EDDM3B: variants seen among roughly 807,000 people sequenced by gnomAD.
The protein encoded by EDDM3B is epididymal secretory protein E3-beta.
For synonymous variants in EDDM3B, 71 were observed against 59.1 expected, an observed-to-expected ratio of 1.20 and a Z score of -0.92; for missense variants, 189 against 178.3, an observed-to-expected ratio of 1.06 and a Z score of -0.34.
At position 20,770,685 on chromosome 14, in the gene EDDM3B, T is replaced by C. The variant is rs1432002190; in HGVS notation, c.*91T>C. The C allele has an allele frequency of 3.0e-6, 3 of 987,198 alleles. No homozygotes were observed. The highest frequency in any genetic ancestry group is 4.5e-6 in the Non-Finnish European group (3 of 664,932). The allele number at this position is 987,198 out of a possible 1,614,324, so 61.2% of individuals were successfully genotyped here. A position where few individuals can be genotyped will look rare whatever the true frequency, so the allele number is the denominator to read the frequency against. On this transcript the variant is annotated 3_prime_UTR_variant, in exon 2 of 2. Transcript: ENST00000326783. ...TCCATCAATAGTCCTACCACTCCCC[T>C]CTTGCATTTATTTGTCAATGTTTTC... is the stretch of plus-strand genomic sequence containing the variant.
intron 1 of EDDM3B, among the ~76,000 whole-genome samples, chr14:20,769,278 A>G (rs1453111047): frequency 6.6e-6 from 1 of 152,172 alleles, no homozygotes; most frequent in Non-Finnish European, 1.5e-5. Flanking sequence ...GCAGGCACCT[A>G]TAATCTCAGC....
Position 20,770,371 on chromosome 14 carries a change from A to G in EDDM3B, c.221A>G (p.Tyr74Cys). The G allele has an allele frequency of 6.2e-7, 1 of 1,614,216 alleles. No individual in the cohort carries two copies. The highest frequency in any genetic ancestry group is 1.1e-5 in the South Asian group (1 of 91,086). ...SSHMFIYISW[Y>C]KIEHICTSDN... ...CACATGTTTATCTATATCTCATGGT[A>G]CAAAATCGAGCATATATGCACTAGT... The change falls in exon 2 of 2, where the codon TAC (tyrosine) becomes TGC (cysteine). Residue 74 changes from tyrosine to cysteine, a missense_variant. By Grantham distance (194) the Tyr-to-Cys change is radical. Coordinates refer to ENST00000326783, the MANE Select transcript of EDDM3B (RefSeq NM_022360.5).
chr14:20,769,703 T>C (rs1169616947), intron 1 of EDDM3B, among the ~76,000 whole-genome samples: 1 of 152,218 alleles, frequency 6.6e-6, no homozygotes, highest in Non-Finnish European at 1.5e-5. Context: ...ACTTCCCAAG[T>C]AGTTACTCAT....
At chr14:20,769,920 C>G (rs1878285256) in intron 1 of EDDM3B, among the ~76,000 whole-genome samples, 1 of 152,128 alleles carries the variant, frequency 6.6e-6, no homozygotes, top group South Asian at 2.1e-4. Context: ...TCTATTTTTT[C>G]TAATTATGTG....
In EDDM3B at chr14:20,770,446, C is replaced by T. The variant is rs762306751; in HGVS notation, c.296C>T (p.Pro99Leu). Residue 99 changes from proline (P) to leucine (L), a missense_variant, in exon 2 of 2, where the codon CCT becomes CTT. Pro to Leu is a moderately conservative substitution (Grantham distance 98). Transcript: ENST00000326783. ...AATGCATATGTATGGGTCCAGAATC[C>T]TCTCAAAGTACTCAAGTGTCACCAG... Reference protein sequence around the residue: ...FRNAYVWVQNPLKVLKCHQEN... With the variant: ...FRNAYVWVQNLLKVLKCHQEN... 1.2e-6 allele frequency: 2 copies of T among 1,614,160 alleles called. No individual in the cohort carries two copies. The highest frequency in any genetic ancestry group is 1.7e-6 in the Non-Finnish European group (2 of 1,180,030).
intron 1 of EDDM3B, among the ~76,000 whole-genome samples, chr14:20,769,532 G>A (rs1287076036): frequency 6.6e-6 from 1 of 152,284 alleles, no homozygotes; most frequent in East Asian, 1.9e-4. Flanking sequence ...AAGGAATATG[G>A]GTAGTTAGTA....
In EDDM3B at chr14:20,770,628, T is replaced by C; in HGVS notation, c.*34T>C. 2 of 1,544,994 alleles carry C rather than the reference T, an allele frequency of 1.3e-6. No homozygotes were observed. The highest frequency in any genetic ancestry group is 4.5e-5 in the East Asian group (2 of 44,352). On this transcript the variant is annotated 3_prime_UTR_variant, in exon 2 of 2. Coordinates refer to ENST00000326783, the MANE Select transcript of EDDM3B (RefSeq NM_022360.5). ...TGCACATCCTCAGGTATTGGTAGAGTATTCAGTGCTTTCTAAGTAGCAGCC... is the reference window on the plus strand; with the variant it reads ...TGCACATCCTCAGGTATTGGTAGAGCATTCAGTGCTTTCTAAGTAGCAGCC...
Position 20,770,780 on chromosome 14 carries a change from G to T in EDDM3B, c.*186G>T. ...CTTTGCCTGTGTTGTTTCTCTGCCTGGAATACACTTTTGTCTTCATTTACC... is the reference window on the plus strand; with the variant it reads ...CTTTGCCTGTGTTGTTTCTCTGCCTTGAATACACTTTTGTCTTCATTTACC... On this transcript the variant is annotated 3_prime_UTR_variant, in exon 2 of 2. Coordinates refer to ENST00000326783, the MANE Select transcript of EDDM3B (RefSeq NM_022360.5). 1 of 574,550 alleles carries T rather than the reference G, an allele frequency of 1.7e-6. No homozygotes were observed. The highest frequency in any genetic ancestry group is 3.1e-6 in the Non-Finnish European group (1 of 322,832). The allele number at this position is 574,550 out of a possible 1,614,324, so 35.6% of individuals were successfully genotyped here. A position where few individuals can be genotyped will look rare whatever the true frequency, so the allele number is the denominator to read the frequency against.
At chr14:20,770,081 T>G (rs1016080326) in intron 1 of EDDM3B, 52 bp from the exon 2 acceptor site, 18 of 1,443,858 alleles carry the variant, frequency 1.2e-5, no homozygotes, top group Non-Finnish European at 1.5e-5. Context: ...AGTTCAGCTC[T>G]CTGGGCATTG....
chr14:20,769,388 A>G (rs1406071697), intron 1 of EDDM3B, among the ~76,000 whole-genome samples: 6 of 152,230 alleles, frequency 3.9e-5, no homozygotes, highest in Non-Finnish European at 2.9e-5. Context: ...TGACACAGTG[A>G]GACTCTGTCT....
chr14:20,770,564 C>T lies in EDDM3B; in HGVS notation c.414C>T (p.Asp138=), dbSNP rs753843608. 1.1e-5 allele frequency: 17 copies of T among 1,613,382 alleles called. No individual in the cohort carries two copies. Among genetic ancestry groups the T allele is most frequent in the Non-Finnish European group, 1.3e-5 (15 of 1,179,802 alleles). ...ACGGGTATGTTGATAGCATAGAAGA[C>T]CTAAAGATGGTAGAACCTATCGGCA... is the stretch of plus-strand genomic sequence containing the variant. ...SMDGYVDSIE[D]LKMVEPIGN Residue 138 remains aspartate (D), a synonymous_variant, in exon 2 of 2, where the codon GAC becomes GAT. Transcript: ENST00000326783.
rs752114495 is a variant in EDDM3B at position 20,770,158 on chromosome 14, C to G, written c.8C>G (p.Ser3Trp). ...GCGGCCCCGGTGACTGAGATGGCATCGTCTCTAAAGATCTGGGGCACACTC... is the reference window on the plus strand; with the variant it reads ...GCGGCCCCGGTGACTGAGATGGCATGGTCTCTAAAGATCTGGGGCACACTC... MA[S>W]SLKIWGTLLA... The change falls in exon 2 of 2, where the codon TCG (serine) becomes TGG (tryptophan). Residue 3 changes from serine to tryptophan, a missense_variant. By Grantham distance (177) the Ser-to-Trp change is radical. Coordinates refer to ENST00000326783, the MANE Select transcript of EDDM3B (RefSeq NM_022360.5). The G allele has an allele frequency of 1.2e-5, 20 of 1,604,948 alleles. No individual in the cohort carries two copies. The highest frequency in any genetic ancestry group is 1.6e-5 in the Non-Finnish European group (19 of 1,174,596).
chr14:20,768,583 C>G (rs528714108), intron 1 of EDDM3B, 77 bp downstream of exon 1: 4 of 152,246 alleles, frequency 2.6e-5, no homozygotes, highest in Non-Finnish European at 5.9e-5. Context: ...TTTTAGATAG[C>G]AAACAATGGA....
In EDDM3B at chr14:20,768,847, C is replaced by A. The variant is rs138718718; in HGVS notation, c.-19+341C>A. ...ACATCATTAGAAGTGCTCTCAAATACATGCGTCTCATTAGACACTTGCAGG... is the reference window on the plus strand; with the variant it reads ...ACATCATTAGAAGTGCTCTCAAATAAATGCGTCTCATTAGACACTTGCAGG... On this transcript the variant is annotated intron_variant, in intron 1 of 1. Coordinates refer to ENST00000326783, the MANE Select transcript of EDDM3B (RefSeq NM_022360.5). 4.3e-3 allele frequency among the ~76,000 whole-genome samples: 658 copies of A among 152,354 alleles called. 7 individuals are homozygous for A. The highest frequency in any genetic ancestry group is 0.015 in the African/African-American group (634 of 41,588).
At position 20,770,555 on chromosome 14, in the gene EDDM3B, C is replaced by G. The variant is rs1409404029; in HGVS notation, c.405C>G (p.Ser135Arg). The change falls in exon 2 of 2, where the codon AGC becomes AGG. Residue 135 changes from serine to arginine, a missense_variant. By Grantham distance (110) the Ser-to-Arg change is moderately radical (BLOSUM62 -1). Transcript: ENST00000326783. The part of the protein sequence containing the change: ...FHCSMDGYVD[S>R]IEDLKMVEPI... ...GTAGCATGGACGGGTATGTTGATAG[C>G]ATAGAAGACCTAAAGATGGTAGAAC... The G allele has an allele frequency of 1.2e-6, 2 of 1,613,768 alleles. No homozygotes were observed. The highest frequency in any genetic ancestry group is 1.7e-5 in the Admixed American group (1 of 59,966).
In EDDM3B at chr14:20,770,469, C is replaced by T; in HGVS notation, c.319C>T (p.Gln107Ter). The stretch of plus-strand genomic sequence containing the variant: ...TCCTCTCAAAGTACTCAAGTGTCAC[C>T]AGGAGAATTCCAAAAATAGCTACAC... ...QNPLKVLKCH[Q>*]ENSKNSYTES... Residue 107 changes from glutamine (Q) to a stop codon, truncating the protein, a stop_gained, in exon 2 of 2, where the codon CAG (glutamine) becomes TAG (stop). Coordinates refer to ENST00000326783, the MANE Select transcript of EDDM3B (RefSeq NM_022360.5). LOFTEE classifies it low-confidence loss of function (END_TRUNC). The T allele has an allele frequency of 1.2e-6, 2 of 1,614,120 alleles. No homozygotes were observed. Among genetic ancestry groups the T allele is most frequent in the Non-Finnish European group, 1.7e-6 (2 of 1,180,022 alleles).
chr14:20,770,440 AG>A lies in EDDM3B; in HGVS notation c.291del (p.Asn98IlefsTer39). The A allele has an allele frequency of 6.2e-7, 1 of 1,614,242 alleles. No individual in the cohort carries two copies. Among genetic ancestry groups the A allele is most frequent in the Non-Finnish European group, 8.5e-7 (1 of 1,180,050 alleles). On this transcript the variant is annotated frameshift_variant, in exon 2 of 2. Coordinates refer to ENST00000326783, the MANE Select transcript of EDDM3B (RefSeq NM_022360.5). LOFTEE classifies it low-confidence loss of function (END_TRUNC). ...TTCCGAAATGCATATGTATGGGTCC[AG>A]AATCCTCTCAAAGTACTCAAGTGTC... ...DRFRNAYVWV[Q>X]NPLKVLKCHQ... is the part of the protein sequence containing the mutation.
At chr14:20,768,957 A>G (rs1594250533) in intron 1 of EDDM3B, among the ~76,000 whole-genome samples, 1 of 152,316 alleles carries the variant, frequency 6.6e-6, no homozygotes, top group East Asian at 1.9e-4. Flanking sequence ...AAGGGCGGGA[A>G]CACTTCTCAT....
chr14:20,770,014 C>A, intron 1 of EDDM3B, 119 bp from the exon 2 acceptor site: 1 of 759,022 alleles, frequency 1.3e-6, no homozygotes, highest in Non-Finnish European at 2.1e-6. Flanking sequence ...CATCGGGGAA[C>A]CAAATAGTAA....
Sources: allele counts gnomAD v4.1 joint callset (sites outside exome capture counted in the v4.1 genomes callset), GRCh38; gene constraint gnomAD v4.1.1; transcripts MANE v1.5; gene names NCBI Gene and HGNC (gene_info 2026-07-23, HGNC 2026-07-21).